Variants in TBC1D2 observed in about 807,000 individuals in gnomAD.
TBC1D2 encodes the protein TBC1 domain family member 2, also known as TBC1 domain family member 2A.
A neutral mutation model predicts 91.1 loss-of-function variants in TBC1D2; 58 were observed. The observed-to-expected ratio is 0.64, with a 90% CI of 0.52 to 0.79. TBC1D2 has a LOEUF of 0.79. Among genes scored for constraint, TBC1D2 ranks in the 30% least tolerant of loss-of-function variants. TBC1D2 has a pLI of 0.00. For synonymous variants in TBC1D2, 482 were observed against 511.5 expected (o/e 0.94, Z 0.78); for missense variants, 1,080 against 1,208.3 (o/e 0.89, Z 1.57).
chr9:98,208,244 C>T (rs1051729180), intron 9 of TBC1D2, among the ~76,000 whole-genome samples: 5 of 152,116 alleles, frequency 3.3e-5, no homozygotes, highest in African/African-American at 1.2e-4. Context: ...AGGCTCATGT[C>T]TTCAGGTTCT....
At chr9:98,229,802 GC>G (rs1452244501) in intron 4 of TBC1D2, among the ~76,000 whole-genome samples, 1 of 152,148 alleles carries the variant, frequency 6.6e-6, no homozygotes, top group Non-Finnish European at 1.5e-5. Context: ...CCCACAGCCT[GC>G]TTTTACAAAT....
intron 3 of TBC1D2, among the ~76,000 whole-genome samples, chr9:98,237,833 A>T (rs140770389): frequency 1.3e-5 from 2 of 152,060 alleles, no homozygotes; most frequent in East Asian, 3.9e-4. Flanking sequence ...GATTATATTG[A>T]ATCTGTAGAT....
intron 5 of TBC1D2, among the ~76,000 whole-genome samples, chr9:98,223,300 AGCT>A (rs1373470559): frequency 2.0e-5 from 3 of 152,206 alleles, no homozygotes; most frequent in African/African-American, 4.8e-5. Flanking sequence ...GATGTGGCCA[AGCT>A]ACAGCCCCAG....
intron 8 of TBC1D2, among the ~76,000 whole-genome samples, 155 bp downstream of exon 8, chr9:98,210,501 C>T (rs2119033170): frequency 6.6e-6 from 1 of 152,340 alleles, no homozygotes; most frequent in South Asian, 2.1e-4. Flanking sequence ...TGAGCGTGAA[C>T]CATCTCAGCT....
chr9:98,220,790 A>G (rs1489077097), intron 6 of TBC1D2, 43 bp downstream of exon 6: 11 of 1,602,540 alleles, frequency 6.9e-6, no homozygotes, highest in Non-Finnish European at 8.5e-6. Flanking sequence ...GGGCTGGGAC[A>G]GAGGACCGGC....
chr9:98,221,325 A>C (rs907194919), intron 5 of TBC1D2, 97 bp from the exon 6 acceptor site: 35 of 1,386,886 alleles, frequency 2.5e-5, no homozygotes, highest in Non-Finnish European at 3.2e-5. Context: ...AACAACCGTG[A>C]GAGGTGCCCA....
intron 2 of TBC1D2, among the ~76,000 whole-genome samples, chr9:98,248,022 T>C (rs1179109253): frequency 6.6e-6 from 1 of 152,050 alleles, no homozygotes; most frequent in Non-Finnish European, 1.5e-5. Context: ...GTCCTGGGGG[T>C]TGTCATCACT....
intron 9 of TBC1D2, among the ~76,000 whole-genome samples, chr9:98,205,950 A>G (rs1163852869): frequency 6.6e-6 from 1 of 152,040 alleles, no homozygotes; most frequent in African/African-American, 2.4e-5. Flanking sequence ...CCAAAAGAAT[A>G]CGTTGCACTT....
chr9:98,214,151 G>C (rs1229996439), intron 6 of TBC1D2, among the ~76,000 whole-genome samples: 4 of 152,252 alleles, frequency 2.6e-5, no homozygotes, highest in African/African-American at 9.6e-5. Context: ...ATGGGCTGGA[G>C]GTGAGTGCAA....
At chr9:98,223,733 A>C (rs980970099) in intron 5 of TBC1D2, among the ~76,000 whole-genome samples, 1 of 152,188 alleles carries the variant, frequency 6.6e-6, no homozygotes, top group African/African-American at 2.4e-5. Flanking sequence ...CCAGCCCAGG[A>C]GGCTCTCCTC....
At position 98,224,265 on chromosome 9, in the gene TBC1D2, GTT is replaced by G. The variant is rs77684919; in HGVS notation, c.979-3039_979-3038del. Among the ~76,000 whole-genome samples, 190 of 122,748 alleles carry G rather than the reference GTT, an allele frequency of 1.5e-3. 1 individual carries two copies. The highest frequency in any genetic ancestry group is 5.7e-3 in the African/African-American group (182 of 31,814). The allele number at this position is 122,748 out of a possible 152,430, so 80.5% of individuals were successfully genotyped here. A position where few individuals can be genotyped will look rare whatever the true frequency, so the allele number is the denominator to read the frequency against. On this transcript the variant is annotated intron_variant, in intron 5 of 12. Transcript: ENST00000465784. ...TTGATGAAATTAAGCTTTTTGAAGT[GTT>G]TTTTTTTCTTTTCTTTTTTTTTTTT...
intron 9 of TBC1D2, among the ~76,000 whole-genome samples, chr9:98,203,693 C>G (rs973100485): frequency 2.6e-5 from 4 of 152,112 alleles, no homozygotes; most frequent in African/African-American, 9.7e-5. Flanking sequence ...CCTGGGTGAC[C>G]TTGGGCAAGT....
At chr9:98,230,929 C>G (rs1829352599) in intron 4 of TBC1D2, among the ~76,000 whole-genome samples, 2 of 152,160 alleles carry the variant, frequency 1.3e-5, no homozygotes, top group South Asian at 4.1e-4. Flanking sequence ...AAAACCAGAA[C>G]AGTCTTGTTC....
At chr9:98,209,756 TTTCCTTCC>T (rs3059560) in intron 8 of TBC1D2, among the ~76,000 whole-genome samples, 1,218 of 105,560 alleles carry the variant, frequency 0.012, 20 homozygotes, top group East Asian at 0.06. Context: ...CCTTCCTTCC[TTTCCTTCC>T]TTCCTTCCTT....
intron 3 of TBC1D2, among the ~76,000 whole-genome samples, chr9:98,243,570 C>T (rs1245697148): frequency 5.6e-5 from 8 of 143,212 alleles, no homozygotes; most frequent in African/African-American, 2.1e-4. Flanking sequence ...GAGTCTCACT[C>T]TTGTCGCCCA....
intron 4 of TBC1D2, 108 bp downstream of exon 4, chr9:98,233,308 G>C (rs1829416936): frequency 2.1e-6 from 3 of 1,444,518 alleles, no homozygotes; most frequent in Admixed American, 5.1e-5. Context: ...AGCCAACTAA[G>C]ACACACACAA....
intron 6 of TBC1D2, among the ~76,000 whole-genome samples, chr9:98,218,878 G>A (rs966347431): frequency 2.0e-5 from 3 of 152,260 alleles, no homozygotes; most frequent in South Asian, 2.1e-4. Flanking sequence ...CTGCTCTACC[G>A]GGGCTTGCAC....
intron 2 of TBC1D2, among the ~76,000 whole-genome samples, chr9:98,247,269 G>A (rs1415795967): frequency 1.3e-5 from 2 of 150,040 alleles, no homozygotes; most frequent in Non-Finnish European, 3.0e-5. Context: ...GGAGGTTGCA[G>A]TGAGCCGAGA....
intron 3 of TBC1D2, among the ~76,000 whole-genome samples, chr9:98,241,362 C>T (rs1295472305): frequency 6.6e-6 from 1 of 152,166 alleles, no homozygotes; most frequent in Non-Finnish European, 1.5e-5. Flanking sequence ...AAGCTCCCTA[C>T]CCCCTTCCCT....
Sources: gnomAD v4.1 joint callset for allele counts (sites outside exome capture counted in the v4.1 genomes callset) on GRCh38, gnomAD v4.1.1 for gene constraint, MANE v1.5 for transcripts, NCBI Gene and HGNC (gene_info 2026-07-23, HGNC 2026-07-21) for gene names.